ERC1: variants seen among roughly 807,000 people sequenced by gnomAD.
ERC1 encodes ELKS/RAB6-interacting/CAST family member 1.
In ERC1, 56 loss-of-function variants were observed where a neutral mutation model predicts 132.0. The ratio of observed to expected loss-of-function variants is 0.42; its 90% CI spans 0.34 to 0.53. The LOEUF (loss-of-function observed/expected upper bound fraction) is 0.53, where lower values mean the gene tolerates loss of function less well. Ranked by LOEUF, ERC1 falls within the 20% of genes least tolerant of loss-of-function variation. ERC1 has a pLI of 0.03. For missense variants in ERC1, 1,202 were observed against 1,349.9 expected, an observed-to-expected ratio of 0.89 and a Z score of 1.72; for synonymous variants, 478 against 476.1, an observed-to-expected ratio of 1.00 and a Z score of -0.05.
chr12:1,310,593 T>G (rs116144502), intron 15 of ERC1, among the ~76,000 whole-genome samples: 131 of 152,308 alleles, frequency 8.6e-4, no homozygotes, highest in African/African-American at 3.0e-3. Flanking sequence ...TTTGGGAAAT[T>G]AGGGAGATGC....
intron 1 of ERC1, among the ~76,000 whole-genome samples, chr12:1,004,401 C>CTTT (rs71055118): frequency 0.028 from 2,651 of 95,010 alleles, 68 homozygotes; most frequent in Middle Eastern, 0.071. Context: ...TTTTCTTTCT[C>CTTT]TTTTTTTTTT....
rs116834367 is a variant in ERC1, at chr12:1,292,445, G to T, written c.2780+2433G>T. 3.0e-3 allele frequency among the ~76,000 whole-genome samples: 460 copies of T among 152,192 alleles called. 2 individuals carry two copies. Among genetic ancestry groups the T allele is most frequent in the African/African-American group, 0.01 (425 of 41,538 alleles). On this transcript the variant is annotated intron_variant, in intron 15 of 18. Transcript: ENST00000360905. ...TTTAAAAGATGATGTCAACACAGGT[G>T]AAAAAGGAAAAATATTAGAATCTCC...
Position 1,161,453 on chromosome 12 carries a change from A to G in ERC1, c.1738-19087A>G, listed in dbSNP as rs139599305. ...ATACGCTCTTAAAAATTTCTGGTAGAGCTCTGCATATGAATGCCGTTTCTG... is the reference window on the plus strand; with the variant it reads ...ATACGCTCTTAAAAATTTCTGGTAGGGCTCTGCATATGAATGCCGTTTCTG... On this transcript the variant is annotated intron_variant, in intron 8 of 18. Transcript: ENST00000360905. Among the ~76,000 whole-genome samples, 46 of 152,274 alleles carry G rather than the reference A, an allele frequency of 3.0e-4. 1 individual carries two copies. In the East Asian group the frequency reaches 8.5e-3, roughly 28 times the overall value.
At chr12:1,324,896 C>T (rs1218605711) in intron 15 of ERC1, among the ~76,000 whole-genome samples, 2 of 152,154 alleles carry the variant, frequency 1.3e-5, no homozygotes, top group Non-Finnish European at 2.9e-5. Context: ...TCATCCCCAC[C>T]TCACATGGGC....
At chr12:1,341,749 A>G (rs968021473) in intron 15 of ERC1, among the ~76,000 whole-genome samples, 11 of 152,188 alleles carry the variant, frequency 7.2e-5, no homozygotes, top group African/African-American at 2.2e-4. Flanking sequence ...AACATGGCAC[A>G]TGTATACCTG....
chr12:1,000,825 A>G (rs751656429), intron 1 of ERC1, among the ~76,000 whole-genome samples: 3 of 152,226 alleles, frequency 2.0e-5, no homozygotes, highest in Non-Finnish European at 4.4e-5. Context: ...TCAGACCTTA[A>G]ACATAATTTT....
chr12:1,418,609 T>G (rs1301107444), intron 17 of ERC1, among the ~76,000 whole-genome samples: 3 of 99,044 alleles, frequency 3.0e-5, no homozygotes, highest in African/African-American at 1.8e-4. Context: ...CTTTCTTTCT[T>G]TCTTTCTTTC....
At chr12:1,106,358 A>G (rs1164516271) in intron 4 of ERC1, among the ~76,000 whole-genome samples, 1 of 152,206 alleles carries the variant, frequency 6.6e-6, no homozygotes. Context: ...CTACTTCTTC[A>G]TATCCTCTAG....
chr12:1,201,018 A>G (rs1956864624), intron 12 of ERC1, among the ~76,000 whole-genome samples: 2 of 152,144 alleles, frequency 1.3e-5, no homozygotes, highest in South Asian at 2.1e-4. Flanking sequence ...TTATATATGC[A>G]TACATATATA....
At chr12:1,249,424 G>T (rs1202050060) in intron 13 of ERC1, among the ~76,000 whole-genome samples, 2 of 152,070 alleles carry the variant, frequency 1.3e-5, no homozygotes, top group Non-Finnish European at 2.9e-5. Context: ...GCTTTTTCTT[G>T]CGAAGCTGCC....
chr12:1,092,686 T>A (rs1238881212), intron 3 of ERC1, among the ~76,000 whole-genome samples: 1 of 152,084 alleles, frequency 6.6e-6, no homozygotes, highest in African/African-American at 2.4e-5. Context: ...CTAGGGCGGG[T>A]GCAATGGCTC....
intron 12 of ERC1, among the ~76,000 whole-genome samples, chr12:1,192,273 T>G (rs1229687615): frequency 6.6e-6 from 1 of 152,248 alleles, no homozygotes; most frequent in Non-Finnish European, 1.5e-5. Flanking sequence ...GTTTCACTTA[T>G]GCCCTTGAAT....
chr12:1,044,114 A>G (rs1369819604), intron 2 of ERC1, among the ~76,000 whole-genome samples: 1 of 152,214 alleles, frequency 6.6e-6, no homozygotes, highest in Non-Finnish European at 1.5e-5. Context: ...CACTGGTGTC[A>G]TAGATGGAAC....
At chr12:1,049,425 A>T (rs1971560175) in intron 2 of ERC1, among the ~76,000 whole-genome samples, 1 of 152,162 alleles carries the variant, frequency 6.6e-6, no homozygotes, top group Non-Finnish European at 1.5e-5. Flanking sequence ...CCAAAACCTG[A>T]TGCCTGAGTC....
chr12:1,154,474 A>G (rs774545880), intron 8 of ERC1, among the ~76,000 whole-genome samples: 3 of 152,032 alleles, frequency 2.0e-5, no homozygotes, highest in Admixed American at 6.6e-5. Flanking sequence ...AAGATAACAC[A>G]GGGAAAACTC....
At chr12:1,474,554 A>T (rs1263146243) in intron 18 of ERC1, among the ~76,000 whole-genome samples, 1 of 152,152 alleles carries the variant, frequency 6.6e-6, no homozygotes, top group Non-Finnish European at 1.5e-5. Context: ...TTTACTAGAG[A>T]GAAAATGTTG....
At chr12:1,397,316 CCACAGA>C (rs760193435) in intron 16 of ERC1, among the ~76,000 whole-genome samples, 1 of 152,030 alleles carries the variant, frequency 6.6e-6, no homozygotes, top group Non-Finnish European at 1.5e-5. Flanking sequence ...GAAATTGGTC[CCACAGA>C]CACATCTTCA....
chr12:1,333,426 A>G (rs1013090529), intron 15 of ERC1, among the ~76,000 whole-genome samples: 41 of 139,676 alleles, frequency 2.9e-4, no homozygotes, highest in African/African-American at 1.1e-3. Flanking sequence ...TCTGCCTCCC[A>G]GGTTCAAGCG....
chr12:1,096,337 A>T (rs1025809745), intron 3 of ERC1, among the ~76,000 whole-genome samples: 30 of 152,348 alleles, frequency 2.0e-4, no homozygotes, highest in South Asian at 1.4e-3. Context: ...GTTATTTTTT[A>T]AAAAATGCAG....
Sources: allele counts gnomAD v4.1 joint callset (sites outside exome capture counted in the v4.1 genomes callset), GRCh38; gene constraint gnomAD v4.1.1; transcripts MANE v1.5; gene names NCBI Gene and HGNC (gene_info 2026-07-23, HGNC 2026-07-21).